Variants in WDR27 observed in about 807,000 individuals in gnomAD.
The protein encoded by WDR27 is WD repeat domain 27.
Under a neutral mutation model 114.4 loss-of-function variants are expected in WDR27, and 100 were observed. The ratio of observed to expected loss-of-function variants is 0.87; its 90% CI spans 0.74 to 1.03. The LOEUF is 1.03. WDR27 is among the 50% of genes least tolerant of loss of function. WDR27 has a pLI of 0.00. For synonymous variants in WDR27, 449 were observed against 423.1 expected (o/e 1.06, Z -0.75); for missense variants, 1,129 against 1,092.9 (o/e 1.03, Z -0.47).
intron 25 of WDR27, among the ~76,000 whole-genome samples, chr6:169,537,103 G>A (rs1452096115): frequency 6.6e-6 from 1 of 152,134 alleles, no homozygotes; most frequent in Admixed American, 6.6e-5. Context: ...ACAGAGACGC[G>A]TGTAGGTCAC....
At chr6:169,561,771 A>G (rs527852497) in intron 25 of WDR27, among the ~76,000 whole-genome samples, 1 of 152,288 alleles carries the variant, frequency 6.6e-6, no homozygotes, top group South Asian at 2.1e-4. Flanking sequence ...AGGCAGAAAT[A>G]GTCAAATTGC....
chr6:169,534,675 A>G (rs1316739941), intron 25 of WDR27, among the ~76,000 whole-genome samples: 1 of 151,918 alleles, frequency 6.6e-6, no homozygotes, highest in African/African-American at 2.4e-5. Context: ...ATTTATTGTA[A>G]TATAGTAGTT....
chr6:169,529,322 G>GA (rs1239960768), intron 25 of WDR27, among the ~76,000 whole-genome samples: 1 of 136,992 alleles, frequency 7.3e-6, no homozygotes, highest in Non-Finnish European at 1.6e-5. Context: ...CGGGGGGGGG[G>GA]GGCAGCTAAT....
intron 8 of WDR27, 69 bp downstream of exon 8, chr6:169,664,097 C>T: frequency 7.1e-7 from 1 of 1,408,570 alleles, no homozygotes; most frequent in African/African-American, 1.4e-5. Flanking sequence ...GACCTAGGGC[C>T]CTTGACATGG....
intron 25 of WDR27, among the ~76,000 whole-genome samples, chr6:169,497,836 C>T (rs1790609534): frequency 6.6e-6 from 1 of 152,036 alleles, no homozygotes. Flanking sequence ...TGGAAAACAG[C>T]ATGGCATTTT....
intron 8 of WDR27, 65 bp from the exon 9 acceptor site, chr6:169,662,489 G>A: frequency 6.3e-7 from 1 of 1,582,064 alleles, no homozygotes; most frequent in East Asian, 2.3e-5. Context: ...TTTAAAGGCT[G>A]AGGACTGCCA....
chr6:169,682,974 G>T (rs1311529022), intron 2 of WDR27, among the ~76,000 whole-genome samples: 1 of 151,998 alleles, frequency 6.6e-6, no homozygotes, highest in Non-Finnish European at 1.5e-5. Flanking sequence ...ACAGAAGAAA[G>T]AATCAGTGAG....
chr6:169,446,079 T>C, the WDR27 span, among the ~76,000 whole-genome samples: 174 of 152,368 alleles, frequency 1.1e-3, 1 homozygote, highest in Middle Eastern at 0.02. Flanking sequence ...TTACTTCTTG[T>C]ACGTGAGGCA....
At chr6:169,690,481 C>T (rs1490534800) in intron 1 of WDR27, among the ~76,000 whole-genome samples, 1 of 152,216 alleles carries the variant, frequency 6.6e-6, no homozygotes, top group African/African-American at 2.4e-5. Flanking sequence ...ATCTCTGCAC[C>T]TTGGGAGCTC....
At chr6:169,484,110 G>A (rs1443825318) in intron 25 of WDR27, among the ~76,000 whole-genome samples, 1 of 152,110 alleles carries the variant, frequency 6.6e-6, no homozygotes, top group Non-Finnish European at 1.5e-5. Flanking sequence ...CTTGAAAACT[G>A]ACACAAGACA....
At position 169,665,479 on chromosome 6, in the gene WDR27, G is replaced by C. The variant is rs749498651; in HGVS notation, c.783+7C>G. The C allele has an allele frequency of 6.2e-7, 1 of 1,611,414 alleles. No homozygotes were observed. The highest frequency in any genetic ancestry group is 1.7e-5 in the Admixed American group (1 of 59,508). Reference sequence around the variant, plus strand: ...GGAACTGGAACTTAACTCTGTGGCTGTCTCACCTGGCCGTCAGCACACCCG... The same window carrying C: ...GGAACTGGAACTTAACTCTGTGGCTCTCTCACCTGGCCGTCAGCACACCCG... On this transcript the variant is annotated splice_region_variant and intron_variant, in intron 7 of 25. Transcript: ENST00000448612.
chr6:169,564,306 C>CT (rs1161051282), intron 25 of WDR27, among the ~76,000 whole-genome samples: 1 of 152,214 alleles, frequency 6.6e-6, no homozygotes, highest in Non-Finnish European at 1.5e-5. Flanking sequence ...AAGCCGGCAG[C>CT]TGATTAGATG....
chr6:169,592,926 C>G (rs972993587), intron 23 of WDR27, among the ~76,000 whole-genome samples: 1 of 152,132 alleles, frequency 6.6e-6, no homozygotes, highest in Non-Finnish European at 1.5e-5. Flanking sequence ...TAAGAGTCCT[C>G]TTTTTGTATC....
chr6:169,536,688 A>G (rs2128087116), intron 25 of WDR27, among the ~76,000 whole-genome samples: 1 of 152,288 alleles, frequency 6.6e-6, no homozygotes, highest in South Asian at 2.1e-4. Context: ...GGCTCACAAA[A>G]GTGATCAGAT....
At chr6:169,497,402 T>C (rs1263646147) in intron 25 of WDR27, among the ~76,000 whole-genome samples, 1 of 151,756 alleles carries the variant, frequency 6.6e-6, no homozygotes. Flanking sequence ...AAGAAAAAAA[T>C]AGGCAAGTTG....
At chr6:169,648,240 A>C (rs1413411214) in intron 15 of WDR27, among the ~76,000 whole-genome samples, 14 of 152,146 alleles carry the variant, frequency 9.2e-5, no homozygotes, top group African/African-American at 3.4e-4. Flanking sequence ...TTGTAATGCT[A>C]ATCACTCAAA....
At chr6:169,575,220 A>C (rs1400722696) in intron 24 of WDR27, among the ~76,000 whole-genome samples, 1 of 147,456 alleles carries the variant, frequency 6.8e-6, no homozygotes, top group Non-Finnish European at 1.5e-5. Flanking sequence ...CCATCCATCC[A>C]TCCATCTCTC....
intron 4 of WDR27, chr6:169,669,637 A>G (rs1039696187): frequency 6.6e-6 from 1 of 152,244 alleles, no homozygotes; most frequent in African/African-American, 2.4e-5. Flanking sequence ...ACAACAAAAC[A>G]TGAAATACAG....
At chr6:169,443,053 T>C in the WDR27 span, among the ~76,000 whole-genome samples, 1 of 152,242 alleles carries the variant, frequency 6.6e-6, no homozygotes, top group African/African-American at 2.4e-5. Context: ...GAATTACCTA[T>C]GTCTGAGTGA....
Sources: allele counts gnomAD v4.1 joint callset (sites outside exome capture counted in the v4.1 genomes callset), GRCh38; gene constraint gnomAD v4.1.1; transcripts MANE v1.5; gene names NCBI Gene and HGNC (gene_info 2026-07-23, HGNC 2026-07-21).